The following IQCH variants were observed in gnomAD, a reference collection of about 807,000 sequenced individuals.
IQCH encodes IQ domain-containing protein H.
IQCH carries 98 observed loss-of-function variants against 117.0 expected under a neutral mutation model. The observed-to-expected ratio is 0.84, with a 90% CI of 0.71 to 0.99. The LOEUF is 0.99. IQCH is among the 50% of genes least tolerant of loss of function. IQCH has a pLI of 0.00. For synonymous variants in IQCH, 412 were observed against 448.2 expected (o/e 0.92, Z 1.02); for missense variants, 1,102 against 1,243.8 (o/e 0.89, Z 1.72).
chr15:67,412,413 T>G lies in IQCH; in HGVS notation c.2098-4518T>G, dbSNP rs2081473676. Among the ~76,000 whole-genome samples, 4 of 152,166 alleles carry G rather than the reference T, an allele frequency of 2.6e-5. No homozygotes were observed. The South Asian group carries it at 8.3e-4, about 31-fold the overall frequency. On this transcript the variant is annotated intron_variant, in intron 14 of 20. Coordinates refer to ENST00000335894, the MANE Select transcript of IQCH (RefSeq NM_001031715.3). The stretch of plus-strand genomic sequence containing the variant: ...CACAAGTTGTTGTTGTCTTTTTTTT[T>G]GTTTGTTTCTTAAGAGACAGAGTTT...
chr15:67,403,194 G>C lies in IQCH; in HGVS notation c.2097+2889G>C, dbSNP rs1971738989. 6.7e-6 allele frequency among the ~76,000 whole-genome samples: 1 copy of C among 149,644 alleles called. No individual in the cohort carries two copies. Among genetic ancestry groups the C allele is most frequent in the Non-Finnish European group, 1.5e-5 (1 of 67,346 alleles). ...GAACCCAGGAGACAGAGGTTGCAGT[G>C]AGCCGAGATCACACCACTGCACTCC... On this transcript the variant is annotated intron_variant, in intron 14 of 20. Coordinates refer to ENST00000335894, the MANE Select transcript of IQCH (RefSeq NM_001031715.3). This position sits in a 1 kb window ranked among gnomAD's most constrained non-coding sequence, Gnocchi z 4.8.
chr15:67,485,879 G>A (rs1204122981), intron 18 of IQCH, among the ~76,000 whole-genome samples: 3 of 151,690 alleles, frequency 2.0e-5, no homozygotes, highest in African/African-American at 4.8e-5. Context: ...GGATGGTCTC[G>A]ATCTCTTTAC....
intron 4 of IQCH, chr15:67,304,221 G>T: frequency 1.8e-6 from 1 of 549,362 alleles, no homozygotes; most frequent in South Asian, 2.7e-5. Flanking sequence ...TTTTTTTCCA[G>T]TGAGAATTTC....
intron 4 of IQCH, among the ~76,000 whole-genome samples, chr15:67,313,994 C>T (rs553162447): frequency 8.5e-5 from 13 of 152,164 alleles, no homozygotes; most frequent in African/African-American, 3.1e-4. Context: ...CAGCACCTTC[C>T]CCTGACCATT....
At chr15:67,302,505 A>T (rs1022102374) in intron 4 of IQCH, among the ~76,000 whole-genome samples, 1 of 152,160 alleles carries the variant, frequency 6.6e-6, no homozygotes, top group African/African-American at 2.4e-5. Flanking sequence ...TGCATCCTGT[A>T]TCCTTGCCCA....
At chr15:67,266,385 G>A (rs1042551875) in intron 3 of IQCH, among the ~76,000 whole-genome samples, 10 of 151,942 alleles carry the variant, frequency 6.6e-5, no homozygotes, top group Admixed American at 1.3e-4. Flanking sequence ...CGCTGGGTGC[G>A]GTGACTCACA....
At position 67,325,604 on chromosome 15, in the gene IQCH, C is replaced by T. The variant is rs562677060; in HGVS notation, c.388-11371C>T. Among the ~76,000 whole-genome samples, 17 of 152,132 alleles carry T rather than the reference C, an allele frequency of 1.1e-4. No homozygotes were observed. The South Asian group carries it at 3.5e-3, about 32-fold the overall frequency. On this transcript the variant is annotated intron_variant, in intron 4 of 20. Coordinates refer to ENST00000335894, the MANE Select transcript of IQCH (RefSeq NM_001031715.3). ...ATTGTTTGCTAAGTGTCTGCAAGTA[C>T]ATTATACTTACGATACTTTATCCTA...
intron 16 of IQCH, among the ~76,000 whole-genome samples, chr15:67,442,790 CAAT>C (rs989502787): frequency 1.3e-5 from 2 of 151,136 alleles, no homozygotes; most frequent in African/African-American, 4.9e-5. Flanking sequence ...AAATGCCCAT[CAAT>C]CAACAAGTGG....
chr15:67,457,935 A>G lies in IQCH; in HGVS notation c.2506-7192A>G, dbSNP rs7173178. Among the ~76,000 whole-genome samples, 3 of 152,112 alleles carry G rather than the reference A, an allele frequency of 2.0e-5. No homozygotes were observed. The highest frequency in any genetic ancestry group is 7.2e-5 in the African/African-American group (3 of 41,424). The stretch of plus-strand genomic sequence containing the variant: ...TTAGCCTAAACGTGATGAGAAGTGG[A>G]CTGAGCTGCCTCTGCCTTGTCCCCT... On this transcript the variant is annotated intron_variant, in intron 16 of 20. Coordinates refer to ENST00000335894, the MANE Select transcript of IQCH (RefSeq NM_001031715.3). This position sits in a 1 kb window ranked among gnomAD's most constrained non-coding sequence, Gnocchi z 5.7.
intron 6 of IQCH, among the ~76,000 whole-genome samples, chr15:67,349,538 G>A (rs1358587616): frequency 1.4e-4 from 21 of 145,040 alleles, no homozygotes; most frequent in African/African-American, 5.4e-4. Context: ...AGTCCAGGAG[G>A]CAGAGGTTGC....
At chr15:67,255,092 C>A in intron 1 of IQCH, 145 bp downstream of exon 1, 1 of 762,614 alleles carries the variant, frequency 1.3e-6, no homozygotes, top group Non-Finnish European at 2.3e-6. Flanking sequence ...CAAAAATGCC[C>A]ACCCAGACCT....
At chr15:67,274,023 A>C (rs1014777705) in intron 3 of IQCH, among the ~76,000 whole-genome samples, 2 of 152,234 alleles carry the variant, frequency 1.3e-5, no homozygotes, top group Non-Finnish European at 2.9e-5. Context: ...TCCATTGAGA[A>C]GTCGTTTGCC....
At chr15:67,262,297 T>C (rs1055541693) in intron 2 of IQCH, among the ~76,000 whole-genome samples, 2 of 152,168 alleles carry the variant, frequency 1.3e-5, no homozygotes, top group Non-Finnish European at 2.9e-5. Flanking sequence ...CAGGATAATA[T>C]TCATTTATGA....
Position 67,494,264 on chromosome 15 carries a change from C to A in IQCH, c.2868C>A (p.Ile956=). The A allele has an allele frequency of 6.2e-7, 1 of 1,605,958 alleles. No homozygotes were observed. Among genetic ancestry groups the A allele is most frequent in the Non-Finnish European group, 8.5e-7 (1 of 1,177,210 alleles). The change falls in exon 20 of 21, where the codon ATC becomes ATA. Residue 956 remains isoleucine, a synonymous_variant. Transcript: ENST00000335894. This position sits in a 1 kb window ranked among gnomAD's most constrained non-coding sequence, Gnocchi z 5.5. ...LKRHKLGMLT[I]GEDLQGVLMT... is the part of the protein sequence containing the mutation. ...GTTTGGATATCATTAACAGAACAATCGGCGAGGATCTCCAGGGGGTCCTCA... is the reference window on the plus strand; with the variant it reads ...GTTTGGATATCATTAACAGAACAATAGGCGAGGATCTCCAGGGGGTCCTCA...
intron 8 of IQCH, among the ~76,000 whole-genome samples, chr15:67,361,691 A>G (rs1445413413): frequency 1.3e-5 from 2 of 152,206 alleles, no homozygotes; most frequent in Admixed American, 6.5e-5. Flanking sequence ...CGACTTTAAC[A>G]GCCTTTTCTA....
At chr15:67,291,421 C>G (rs1966747441) in intron 4 of IQCH, among the ~76,000 whole-genome samples, 2 of 152,048 alleles carry the variant, frequency 1.3e-5, no homozygotes, top group Non-Finnish European at 2.9e-5. Context: ...TAATTCTAGC[C>G]AGGATAAACA....
chr15:67,294,689 A>G (rs960057130), intron 4 of IQCH, among the ~76,000 whole-genome samples: 1 of 152,252 alleles, frequency 6.6e-6, no homozygotes, highest in Admixed American at 6.5e-5. Context: ...AAAGAGAGAA[A>G]GGAACTGGGC....
Position 67,261,343 on chromosome 15 carries a change from A to G in IQCH, c.123A>G (p.Leu41=), listed in dbSNP as rs777772772. ...KFSPEEKGET[L]DIQSLETAIK... ...CACCTGAGGAAAAAGGAGAGACTCT[A>G]GACATTCAGAGTCTTGAAACAGCAA... is the stretch of plus-strand genomic sequence containing the variant. The change falls in exon 2 of 21, where the codon CTA becomes CTG. Residue 41 remains leucine, a synonymous_variant. Coordinates refer to ENST00000335894, the MANE Select transcript of IQCH (RefSeq NM_001031715.3). 4 of 1,589,164 alleles carry G rather than the reference A, an allele frequency of 2.5e-6. No individual in the cohort carries two copies. The highest frequency in any genetic ancestry group is 3.4e-6 in the Non-Finnish European group (4 of 1,169,856).
intron 8 of IQCH, chr15:67,371,436 T>A (rs577606928): frequency 3.4e-6 from 5 of 1,450,094 alleles, no homozygotes; most frequent in Non-Finnish European, 3.7e-6. Flanking sequence ...AGATTTGTGA[T>A]CCTAATCCAC....
Sources: gnomAD v4.1 joint callset for allele counts (sites outside exome capture counted in the v4.1 genomes callset) on GRCh38, gnomAD v4.1.1 for gene constraint, Gnocchi (gnomAD v3.1) non-coding constraint, MANE v1.5 for transcripts, NCBI Gene and HGNC (gene_info 2026-07-23, HGNC 2026-07-21) for gene names.